Variants in MAML2 observed in about 807,000 individuals in gnomAD.
MAML2 encodes mastermind like transcriptional coactivator 2, also known as mastermind-like protein 2.
Under a neutral mutation model 96.1 loss-of-function variants are expected in MAML2, and 22 were observed. The observed-to-expected ratio is 0.23, with a 90% CI of 0.16 to 0.33. MAML2 has a LOEUF of 0.33. MAML2 is among the 10% of genes least tolerant of loss of function. The pLI, the probability that MAML2 is intolerant of heterozygous loss-of-function variation, is 1.00. For missense variants in MAML2, 1,367 were observed against 1,392.4 expected, an observed-to-expected ratio of 0.98 and a Z score of 0.29; for synonymous variants, 561 against 521.3, an observed-to-expected ratio of 1.08 and a Z score of -1.04.
intron 2 of MAML2, among the ~76,000 whole-genome samples, chr11:95,993,251 T>C (rs1353372076): frequency 6.6e-6 from 1 of 150,868 alleles, no homozygotes; most frequent in Non-Finnish European, 1.5e-5. Context: ...AACTAAACTA[T>C]GTAAGGTTAC....
chr11:96,171,649 C>T (rs1374207286), intron 1 of MAML2, among the ~76,000 whole-genome samples: 1 of 152,190 alleles, frequency 6.6e-6, no homozygotes, highest in East Asian at 1.9e-4. Flanking sequence ...AGTTAAACTC[C>T]AGTGAGAGAA....
Position 96,200,864 on chromosome 11 carries a change from A to T in MAML2, c.514-107347T>A, listed in dbSNP as rs139877060. Among the ~76,000 whole-genome samples, 392 of 152,314 alleles carry T rather than the reference A, an allele frequency of 2.6e-3. 3 individuals carry two copies. Among genetic ancestry groups the T allele is most frequent in the African/African-American group, 9.1e-3 (377 of 41,582 alleles). On this transcript the variant is annotated intron_variant, in intron 1 of 4. Transcript: ENST00000524717. ...TGGTACCATCTCTTAATCACATACC[A>T]TGAACCAAGAGGTGACAATGAGAGG...
chr11:96,147,217 A>G (rs1283809363), intron 1 of MAML2, among the ~76,000 whole-genome samples: 1 of 152,228 alleles, frequency 6.6e-6, no homozygotes, highest in Non-Finnish European at 1.5e-5. Context: ...CCTTTTCTAT[A>G]AGATGAGTGA....
chr11:96,006,959 G>A (rs1400022363), intron 2 of MAML2, among the ~76,000 whole-genome samples: 1 of 151,254 alleles, frequency 6.6e-6, no homozygotes, highest in Non-Finnish European at 1.5e-5. Flanking sequence ...GAATTACAAA[G>A]ACTAGGTAGA....
intron 2 of MAML2, among the ~76,000 whole-genome samples, chr11:95,997,352 C>A (rs933173823): frequency 1.6e-4 from 25 of 151,984 alleles, no homozygotes; most frequent in Non-Finnish European, 5.9e-5. Context: ...TAGTATTAGT[C>A]CCTGAGATAG....
intron 2 of MAML2, among the ~76,000 whole-genome samples, chr11:96,003,060 T>A (rs1172018145): frequency 7.6e-6 from 1 of 131,430 alleles, no homozygotes; most frequent in African/African-American, 2.9e-5. Flanking sequence ...ATGATGAACA[T>A]GATGATGGGG....
chr11:96,074,789 A>C (rs1339114225), intron 2 of MAML2, among the ~76,000 whole-genome samples: 1 of 152,238 alleles, frequency 6.6e-6, no homozygotes. Flanking sequence ...TTATCTTTCT[A>C]AATGGCTCTC....
At chr11:96,069,931 G>A (rs1357630117) in intron 2 of MAML2, among the ~76,000 whole-genome samples, 1 of 151,900 alleles carries the variant, frequency 6.6e-6, no homozygotes, top group African/African-American at 2.4e-5. Context: ...GCTGAGGCAG[G>A]AGGAATCACT....
chr11:96,097,034 A>G (rs1461545498), intron 1 of MAML2, among the ~76,000 whole-genome samples: 2 of 152,210 alleles, frequency 1.3e-5, no homozygotes, highest in Non-Finnish European at 1.5e-5. Flanking sequence ...GTGAATGCCT[A>G]CATGCAGTAG....
intron 1 of MAML2, among the ~76,000 whole-genome samples, chr11:96,112,164 A>C (rs1317945894): frequency 6.6e-6 from 1 of 152,240 alleles, no homozygotes; most frequent in African/African-American, 2.4e-5. Flanking sequence ...CTTCCATCGG[A>C]TAGGGCACTC....
chr11:96,150,196 A>G (rs892288296), intron 1 of MAML2, among the ~76,000 whole-genome samples: 13 of 152,242 alleles, frequency 8.5e-5, no homozygotes, highest in Non-Finnish European at 1.6e-4. Flanking sequence ...TGATTCATAC[A>G]TCAAACATTT....
rs115303493 is a variant in MAML2, at chr11:96,036,032, T to C, written c.2140-44309A>G. 3.5e-3 allele frequency among the ~76,000 whole-genome samples: 531 copies of C among 152,256 alleles called. 3 individuals carry two copies. The highest frequency in any genetic ancestry group is 0.011 in the African/African-American group (473 of 41,556). ...AAACCCTCAAAAAACAGAATATAAC[T>C]GAATAAAATAATGCACAAGTATAGC... On this transcript the variant is annotated intron_variant, in intron 2 of 4. Coordinates refer to ENST00000524717, the MANE Select transcript of MAML2 (RefSeq NM_032427.4).
rs369905258 is a variant in MAML2 at position 96,093,151 on chromosome 11, C to T, written c.880G>A (p.Gly294Arg). ...TQENIFPNRY[G>R]DDPGEQLMDP... The stretch of plus-strand genomic sequence containing the variant: ...ATCAGTTGTTCTCCAGGGTCGTCTC[C>T]GTACCTATTAGGAAAAATATTCTCT... Residue 294 changes from glycine (G) to arginine (R), a missense_variant, in exon 2 of 5, where the codon GGA (glycine) becomes AGA (arginine). Physicochemically the swap from Gly to Arg is moderately radical, Grantham distance 125. Transcript: ENST00000524717. 6.5e-5 allele frequency: 105 copies of T among 1,613,864 alleles called. No homozygotes were observed. In the Admixed American group the frequency reaches 8.2e-4, roughly 13 times the overall value.
chr11:96,256,140 G>C (rs1030092707), intron 1 of MAML2, among the ~76,000 whole-genome samples: 1 of 151,794 alleles, frequency 6.6e-6, no homozygotes, highest in Non-Finnish European at 1.5e-5. Flanking sequence ...TCCCAAAGTA[G>C]TGGGATTACA....
intron 1 of MAML2, among the ~76,000 whole-genome samples, chr11:96,151,259 C>A (rs1362893417): frequency 2.0e-5 from 3 of 152,184 alleles, no homozygotes; most frequent in Non-Finnish European, 4.4e-5. Flanking sequence ...CCTTCTGATC[C>A]ATAGGGCTGA....
chr11:96,281,034 T>G (rs903503678), intron 1 of MAML2, among the ~76,000 whole-genome samples: 5 of 152,340 alleles, frequency 3.3e-5, no homozygotes, highest in Non-Finnish European at 5.9e-5. Flanking sequence ...GTGAGTACAT[T>G]AAGCATCATT....
chr11:96,002,535 G>A (rs61902464), intron 2 of MAML2, among the ~76,000 whole-genome samples: 41,673 of 137,680 alleles, frequency 0.3, 5,940 homozygotes, highest in South Asian at 0.47. Flanking sequence ...TGGGGCTGAT[G>A]AAGATGATGA....
intron 1 of MAML2, among the ~76,000 whole-genome samples, chr11:96,328,824 C>A (rs1000592717): frequency 6.6e-6 from 1 of 151,930 alleles, no homozygotes; most frequent in Non-Finnish European, 1.5e-5. Context: ...AGGGTTTTAG[C>A]GATAAGAAAA....
intron 1 of MAML2, among the ~76,000 whole-genome samples, chr11:96,225,819 C>T (rs555612169): frequency 5.1e-4 from 76 of 148,934 alleles, no homozygotes; most frequent in Admixed American, 3.1e-3. Flanking sequence ...GGTGACAGAG[C>T]GAGACACTAT....
Sources: gnomAD v4.1 joint callset for allele counts (sites outside exome capture counted in the v4.1 genomes callset) on GRCh38, gnomAD v4.1.1 for gene constraint, MANE v1.5 for transcripts, NCBI Gene and HGNC (gene_info 2026-07-23, HGNC 2026-07-21) for gene names.